Variants in LINGO2 observed in about 807,000 individuals in gnomAD.
LINGO2 encodes leucine rich repeat and Ig domain containing 2.
Under a neutral mutation model 30.6 loss-of-function variants are expected in LINGO2, and 14 were observed. That is an observed-to-expected ratio of 0.46 (90% CI 0.30 to 0.72). The LOEUF (loss-of-function observed/expected upper bound fraction) is 0.72. LINGO2 is among the 30% of genes least tolerant of loss of function. LINGO2 has a pLI of 0.07. For missense variants in LINGO2, 729 were observed against 751.7 expected (o/e 0.97, Z 0.35); for synonymous variants, 317 against 288.5 (o/e 1.10, Z -1.00).
At chr9:28,395,742 A>G (rs781225755) in intron 2 of LINGO2, among the ~76,000 whole-genome samples, 1 of 152,218 alleles carries the variant, frequency 6.6e-6, no homozygotes, top group Non-Finnish European at 1.5e-5. Flanking sequence ...AAATAAAACC[A>G]TAGCATTCTG....
intron 3 of LINGO2, among the ~76,000 whole-genome samples, chr9:28,328,995 T>C (rs1825326243): frequency 6.6e-6 from 1 of 152,172 alleles, no homozygotes; most frequent in Non-Finnish European, 1.5e-5. Flanking sequence ...ATACATTGAA[T>C]GGCCTTCACA....
At chr9:28,903,104 A>G in the LINGO2 span, among the ~76,000 whole-genome samples, 1 of 151,872 alleles carries the variant, frequency 6.6e-6, no homozygotes, top group South Asian at 2.1e-4. Flanking sequence ...TTTTTGAGAA[A>G]GAAACAAAAT....
At chr9:29,034,967 T>C in the LINGO2 span, among the ~76,000 whole-genome samples, 1 of 152,120 alleles carries the variant, frequency 6.6e-6, no homozygotes, top group East Asian at 1.9e-4. Flanking sequence ...ACATATAAAA[T>C]GTCAGGAATC....
intron 4 of LINGO2, among the ~76,000 whole-genome samples, chr9:28,281,177 C>T (rs1823310330): frequency 6.6e-6 from 1 of 152,004 alleles, no homozygotes. Flanking sequence ...GTGTAGACCC[C>T]TAAAGCACAC....
chr9:28,783,660 A>G, the LINGO2 span, among the ~76,000 whole-genome samples: 1 of 152,222 alleles, frequency 6.6e-6, no homozygotes, highest in Admixed American at 6.5e-5. Context: ...TTGGGTGTGG[A>G]AAGATAAGTG....
the LINGO2 span, among the ~76,000 whole-genome samples, chr9:28,971,832 C>T: frequency 3.9e-5 from 6 of 152,324 alleles, no homozygotes; most frequent in East Asian, 1.2e-3. Flanking sequence ...TTACAGCAGG[C>T]CTTGGGTGAG....
chr9:28,633,622 T>C (rs10968693), intron 1 of LINGO2, among the ~76,000 whole-genome samples: 14,290 of 152,120 alleles, frequency 0.094, 885 homozygotes, highest in East Asian at 0.19. Context: ...ATTTGAAAAA[T>C]TGAGATGTTC....
the LINGO2 span, among the ~76,000 whole-genome samples, chr9:29,136,004 A>C: frequency 6.6e-6 from 1 of 152,126 alleles, no homozygotes; most frequent in African/African-American, 2.4e-5. Context: ...CCCTAGGATG[A>C]CCCAACATGG....
At chr9:28,299,951 T>A (rs754142146) in intron 3 of LINGO2, among the ~76,000 whole-genome samples, 1 of 152,120 alleles carries the variant, frequency 6.6e-6, no homozygotes, top group South Asian at 2.1e-4. Flanking sequence ...CAAACAACTT[T>A]ATAGATTTCC....
At chr9:28,516,699 T>C (rs1445615525) in intron 1 of LINGO2, among the ~76,000 whole-genome samples, 1 of 152,208 alleles carries the variant, frequency 6.6e-6, no homozygotes, top group Non-Finnish European at 1.5e-5. Flanking sequence ...TCGCTGTTGT[T>C]GCAGTGTTAC....
chr9:28,961,911 C>T, the LINGO2 span, among the ~76,000 whole-genome samples: 6 of 151,914 alleles, frequency 3.9e-5, no homozygotes, highest in Admixed American at 2.0e-4. Flanking sequence ...GAAAACTTAA[C>T]GTTAATACTA....
the LINGO2 span, among the ~76,000 whole-genome samples, chr9:28,769,822 G>GTTATTC: frequency 1.3e-5 from 2 of 151,412 alleles, no homozygotes. Context: ...CTAAAAGGAT[G>GTTATTC]TTATTCTTAT....
At chr9:28,730,301 A>G in the LINGO2 span, among the ~76,000 whole-genome samples, 110 of 152,290 alleles carry the variant, frequency 7.2e-4, no homozygotes, top group African/African-American at 2.6e-3. Context: ...AGATGCAGGA[A>G]TGTGATCATG....
intron 1 of LINGO2, among the ~76,000 whole-genome samples, chr9:28,603,912 C>T (rs1825595946): frequency 6.6e-6 from 1 of 151,966 alleles, no homozygotes; most frequent in African/African-American, 2.4e-5. Context: ...TTAGACTCAC[C>T]CATGTATACT....
the LINGO2 span, among the ~76,000 whole-genome samples, chr9:28,870,741 A>C: frequency 6.6e-6 from 1 of 152,100 alleles, no homozygotes; most frequent in Non-Finnish European, 1.5e-5. Flanking sequence ...AAAACCATAG[A>C]AAAGTAAACT....
the LINGO2 span, among the ~76,000 whole-genome samples, chr9:29,189,793 C>G: frequency 1.3e-5 from 2 of 152,078 alleles, no homozygotes; most frequent in Non-Finnish European, 1.5e-5. Context: ...GCGGATCACT[C>G]GCGGTTAGGA....
chr9:28,884,752 A>G, the LINGO2 span, among the ~76,000 whole-genome samples: 3 of 96,816 alleles, frequency 3.1e-5, no homozygotes, highest in Non-Finnish European at 6.3e-5. Flanking sequence ...ATACACATAC[A>G]CATTATATAT....
At chr9:28,309,344 A>G (rs1394668752) in intron 3 of LINGO2, among the ~76,000 whole-genome samples, 1 of 151,654 alleles carries the variant, frequency 6.6e-6, no homozygotes, top group Non-Finnish European at 1.5e-5. Context: ...AAAAAACCAA[A>G]CACCGCATAT....
rs1821219640 is a variant in LINGO2, at chr9:28,378,576, A to G, written c.-278-5708T>C. ...ATTCTTCCAGACTTCCAGAAACTCTACTAGACCATTGCTCCCTACTGACTG... is the reference window on the plus strand; with the variant it reads ...ATTCTTCCAGACTTCCAGAAACTCTGCTAGACCATTGCTCCCTACTGACTG... On this transcript the variant is annotated intron_variant, in intron 2 of 5. Coordinates refer to ENST00000379992, the Ensembl canonical transcript of LINGO2. Among the ~76,000 whole-genome samples the G allele has an allele frequency of 3.3e-5, 5 of 152,144 alleles. No homozygotes were observed. In the South Asian group the frequency reaches 8.3e-4, roughly 25 times the overall value.
Sources: gnomAD v4.1 joint callset for allele counts (sites outside exome capture counted in the v4.1 genomes callset) on GRCh38, gnomAD v4.1.1 for gene constraint, MANE v1.5 for transcripts, NCBI Gene and HGNC (gene_info 2026-07-23, HGNC 2026-07-21) for gene names.